The following PLCH1 variants were observed in gnomAD, a reference collection of about 807,000 sequenced individuals.
PLCH1 encodes the protein 1-phosphatidylinositol 4,5-bisphosphate phosphodiesterase eta-1.
In PLCH1, 60 loss-of-function variants were observed where a neutral mutation model predicts 126.7. That is an observed-to-expected ratio of 0.47 (90% CI 0.38 to 0.59). The LOEUF (loss-of-function observed/expected upper bound fraction) is 0.59. Among genes scored for constraint, PLCH1 ranks in the 20% least tolerant of loss-of-function variants. The probability of loss-of-function intolerance (pLI) is 0.00; values close to 1 mark genes in which losing one functional copy is unlikely to be tolerated. For missense variants in PLCH1, 1,723 were observed against 2,040.0 expected (o/e 0.84, Z 2.99); for synonymous variants, 719 against 734.9 (o/e 0.98, Z 0.35).
At chr3:155,493,066 A>G (rs73874816) in intron 17 of PLCH1, among the ~76,000 whole-genome samples, 8,072 of 152,276 alleles carry the variant, frequency 0.053, 372 homozygotes, top group African/African-American at 0.13. Context: ...TTGCAATGCA[A>G]TGATCAACTG....
At chr3:155,487,254 T>C (rs964658839) in intron 21 of PLCH1, 1 of 152,182 alleles carries the variant, frequency 6.6e-6, no homozygotes, top group African/African-American at 2.4e-5. Flanking sequence ...ATGAGATAGG[T>C]ATTATTTTTA....
chr3:155,464,652 G>A (rs1712862800), intron 21 of PLCH1, among the ~76,000 whole-genome samples: 1 of 152,018 alleles, frequency 6.6e-6, no homozygotes. Flanking sequence ...GACCGAATGA[G>A]TCCCTTTTCC....
chr3:155,476,829 A>G (rs1713565951), downstream of PLCH1, among the ~76,000 whole-genome samples: 1 of 152,184 alleles, frequency 6.6e-6, no homozygotes, highest in Non-Finnish European at 1.5e-5. Context: ...CACTACCCAA[A>G]GCAATCTACA....
intron 2 of PLCH1, among the ~76,000 whole-genome samples, chr3:155,677,992 A>G (rs976290223): frequency 1.3e-5 from 2 of 152,164 alleles, no homozygotes; most frequent in African/African-American, 4.8e-5. Context: ...AACATGCCCA[A>G]AAAGCAAGAG....
At chr3:155,574,952 G>A (rs567016742) in intron 6 of PLCH1, among the ~76,000 whole-genome samples, 1 of 152,018 alleles carries the variant, frequency 6.6e-6, no homozygotes, top group African/African-American at 2.4e-5. Flanking sequence ...CCAACGTGGT[G>A]AAACCCCATC....
At position 155,612,320 on chromosome 3, in the gene PLCH1, ACT is replaced by A. The variant is rs561668159; in HGVS notation, c.80-15944_80-15943del. On this transcript the variant is annotated intron_variant, in intron 2 of 22. Coordinates refer to ENST00000460012, the MANE Select transcript of PLCH1 (RefSeq NM_014996.4). ...TTCCAGCCTAGGCAACAAGAGTGAA[ACT>A]CTGTCTCAAAAAAAAAAAAAAAAGA... is the stretch of plus-strand genomic sequence containing the variant. Among the ~76,000 whole-genome samples, 20 of 149,894 alleles carry A rather than the reference ACT, an allele frequency of 1.3e-4. No homozygotes were observed. In the East Asian group the frequency reaches 3.1e-3, roughly 23 times the overall value.
At chr3:155,608,895 C>T (rs1256577972) in intron 2 of PLCH1, among the ~76,000 whole-genome samples, 2 of 152,160 alleles carry the variant, frequency 1.3e-5, no homozygotes, top group African/African-American at 2.4e-5. Context: ...TACAGCAGCT[C>T]GTGCTCTCTT....
chr3:155,513,856 C>T (rs985170234), intron 12 of PLCH1, among the ~76,000 whole-genome samples: 11 of 152,144 alleles, frequency 7.2e-5, no homozygotes, highest in African/African-American at 1.7e-4. Context: ...TCAGGAAGGA[C>T]ACTTACCCAT....
intron 2 of PLCH1, among the ~76,000 whole-genome samples, chr3:155,703,644 T>C (rs1269893579): frequency 2.0e-5 from 3 of 152,218 alleles, no homozygotes; most frequent in African/African-American, 7.2e-5. Context: ...TGGGACATAA[T>C]ATATAGATAA....
At position 155,575,046 on chromosome 3, in the gene PLCH1, G is replaced by A. The variant is rs143474469; in HGVS notation, c.772-6722C>T. The stretch of plus-strand genomic sequence containing the variant: ...CTTGGGAGACTGAGGCAGGAGAATC[G>A]CTTGAACCCAGCAGTCAGAGGTTGC... On this transcript the variant is annotated intron_variant, in intron 6 of 22. Transcript: ENST00000460012. Among the ~76,000 whole-genome samples, 290 of 151,966 alleles carry A rather than the reference G, an allele frequency of 1.9e-3. 7 individuals are homozygous for A. In the East Asian group the frequency reaches 0.047, roughly 25 times the overall value.
intron 1 of PLCH1, among the ~76,000 whole-genome samples, chr3:155,720,183 T>C (rs998208361): frequency 1.3e-5 from 2 of 152,202 alleles, no homozygotes; most frequent in Admixed American, 6.6e-5. Flanking sequence ...TAAACATGTG[T>C]GGTCAAGTAT....
At chr3:155,538,626 C>A (rs1723777426) in intron 10 of PLCH1, among the ~76,000 whole-genome samples, 1 of 152,070 alleles carries the variant, frequency 6.6e-6, no homozygotes, top group Admixed American at 6.6e-5. Flanking sequence ...AACACCTTTA[C>A]ATGCACAAAC....
chr3:155,587,035 C>T lies in PLCH1; in HGVS notation c.471-841G>A, dbSNP rs142828821. ...TGACTTTAAACGTTATCCCTTTTTGCTTTTCATTTTCTGACCAGTTTTTCT... is the reference window on the plus strand; with the variant it reads ...TGACTTTAAACGTTATCCCTTTTTGTTTTTCATTTTCTGACCAGTTTTTCT... On this transcript the variant is annotated intron_variant, in intron 4 of 22. Coordinates refer to ENST00000460012, the MANE Select transcript of PLCH1 (RefSeq NM_014996.4). Among the ~76,000 whole-genome samples the T allele has an allele frequency of 5.0e-3, 764 of 152,018 alleles. 8 individuals carry two copies. The highest frequency in any genetic ancestry group is 0.018 in the African/African-American group (728 of 41,486).
At chr3:155,476,982 A>T (rs1713574934), downstream of PLCH1, among the ~76,000 whole-genome samples, 1 of 152,152 alleles carries the variant, frequency 6.6e-6, no homozygotes, top group South Asian at 2.1e-4. Context: ...GAGGAATCAC[A>T]TTACCTGACT....
At chr3:155,459,886 C>A (rs945024858) in intron 21 of PLCH1, among the ~76,000 whole-genome samples, 1 of 152,192 alleles carries the variant, frequency 6.6e-6, no homozygotes, top group Admixed American at 6.5e-5. Context: ...AAGCAGCCAT[C>A]TACAGCAGTG....
At chr3:155,460,300 G>T (rs1712660887) in intron 21 of PLCH1, among the ~76,000 whole-genome samples, 1 of 152,046 alleles carries the variant, frequency 6.6e-6, no homozygotes, top group African/African-American at 2.4e-5. Flanking sequence ...AATATGTACT[G>T]GACAGACAAA....
intron 21 of PLCH1, among the ~76,000 whole-genome samples, chr3:155,459,051 G>A (rs940792667): frequency 1.3e-5 from 2 of 152,186 alleles, no homozygotes; most frequent in African/African-American, 4.8e-5. Flanking sequence ...GGCAAGCTGT[G>A]ACATTAGAAT....
At chr3:155,679,319 G>A (rs1744328412) in intron 2 of PLCH1, among the ~76,000 whole-genome samples, 1 of 152,082 alleles carries the variant, frequency 6.6e-6, no homozygotes, top group Admixed American at 6.5e-5. Flanking sequence ...CAATGGGGGT[G>A]GTGGGGAGGG....
intron 2 of PLCH1, among the ~76,000 whole-genome samples, chr3:155,619,612 G>C (rs1217375590): frequency 2.0e-5 from 3 of 151,960 alleles, no homozygotes; most frequent in African/African-American, 7.3e-5. Flanking sequence ...AGGGGCAAGA[G>C]TCAAAACAGA....
Sources: allele counts gnomAD v4.1 joint callset (sites outside exome capture counted in the v4.1 genomes callset), GRCh38; gene constraint gnomAD v4.1.1; transcripts MANE v1.5; gene names NCBI Gene and HGNC (gene_info 2026-07-23, HGNC 2026-07-21).